The following COL6A3 variants were observed in gnomAD, a reference collection of about 807,000 sequenced individuals.
COL6A3 encodes the protein collagen type VI alpha 3 chain.
In COL6A3, 137 loss-of-function variants were observed where a neutral mutation model predicts 274.1. The observed-to-expected ratio is 0.50, with a 90% CI of 0.44 to 0.58. COL6A3 has a LOEUF of 0.58. COL6A3 is among the 20% of genes least tolerant of loss of function. COL6A3 has a pLI of 0.00. For missense variants in COL6A3, 3,950 were observed against 4,124.9 expected (o/e 0.96, Z 1.16); for synonymous variants, 1,650 against 1,650.6 (o/e 1.00, Z 0.01).
intron 42 of COL6A3, chr2:237,332,993 G>A (rs901239725): frequency 3.8e-6 from 1 of 264,946 alleles, no homozygotes; most frequent in African/African-American, 2.2e-5. Context: ...GTGTGCTTAG[G>A]ATGTCCGGAC....
At chr2:237,406,380 G>A (rs2078718797) in intron 1 of COL6A3, among the ~76,000 whole-genome samples, 1 of 152,086 alleles carries the variant, frequency 6.6e-6, no homozygotes, top group Non-Finnish European at 1.5e-5. Flanking sequence ...TCATTTATTT[G>A]GTTTTCTCCA....
intron 1 of COL6A3, among the ~76,000 whole-genome samples, chr2:237,404,210 A>G (rs757520192): frequency 1.3e-5 from 2 of 152,072 alleles, no homozygotes; most frequent in Non-Finnish European, 2.9e-5. Context: ...ATGTTTTAAT[A>G]CGGGATCAAC....
chr2:237,382,526 C>G (rs2106371634), intron 4 of COL6A3, among the ~76,000 whole-genome samples: 1 of 152,332 alleles, frequency 6.6e-6, no homozygotes, highest in Non-Finnish European at 1.5e-5. Context: ...TGCAGGCACC[C>G]TGCCCATATT....
At chr2:237,390,287 C>G (rs1317300550) in intron 3 of COL6A3, among the ~76,000 whole-genome samples, 1 of 152,212 alleles carries the variant, frequency 6.6e-6, no homozygotes, top group Non-Finnish European at 1.5e-5. Flanking sequence ...AATCCTTGAA[C>G]ATTCTCTTGT....
Position 237,361,778 on chromosome 2 carries a change from C to G in COL6A3, c.6117G>C (p.Gln2039His), listed in dbSNP as rs750063736. The G allele has an allele frequency of 3.8e-5, 61 of 1,614,126 alleles. No homozygotes were observed. Among genetic ancestry groups the G allele is most frequent in the Admixed American group, 3.2e-4 (19 of 60,010 alleles). ...TGCCGATGGGCCCGCGGTCTCCCCT[C>G]TGCCCAGAGCACTTGCAGGGAACCC... Reference protein sequence around the residue: ...CCGVPCKCSGQRGDRGPIGSI... With the variant: ...CCGVPCKCSGHRGDRGPIGSI... Residue 2039 changes from glutamine (Q) to histidine (H), a missense_variant, in exon 15 of 44, where the codon CAG becomes CAC. Gln to His is a conservative substitution (Grantham distance 24). Around this residue, in one of 5 missense-constraint regions of COL6A3, gnomAD observed 92 missense variants for 143.4 expected, o/e 0.64. Transcript: ENST00000295550. The surrounding 1 kb of genome is among the most constrained non-coding windows in gnomAD (Gnocchi z 5.1).
At chr2:237,357,722 A>G in intron 22 of COL6A3, 95 bp downstream of exon 22, 1 of 1,281,996 alleles carries the variant, frequency 7.8e-7, no homozygotes, top group Non-Finnish European at 1.1e-6. Flanking sequence ...GTTAAAGGCC[A>G]CGTCTTTGGC....
At position 237,395,208 on chromosome 2, in the gene COL6A3, T is replaced by TA. The variant is rs1476890625; in HGVS notation, c.92-5dup. 1.9e-6 allele frequency: 3 copies of TA among 1,612,816 alleles called. No homozygotes were observed. The highest frequency in any genetic ancestry group is 2.5e-6 in the Non-Finnish European group (3 of 1,179,904). On this transcript the variant is annotated splice_region_variant and splice_polypyrimidine_tract_variant and intron_variant, in intron 2 of 43. Coordinates refer to ENST00000295550, the MANE Select transcript of COL6A3 (RefSeq NM_004369.4). ...GCAGCCGCACCATTTTTGACATCTT[T>TA]AAAAAAAGACATTGGTTTAGATTTT... is the stretch of plus-strand genomic sequence containing the variant.
chr2:237,374,856 C>A lies in COL6A3; in HGVS notation c.3235G>T (p.Glu1079Ter), dbSNP rs762778512. 1 of 1,613,966 alleles carries A rather than the reference C, an allele frequency of 6.2e-7. No individual in the cohort carries two copies. Among genetic ancestry groups the A allele is most frequent in the African/African-American group, 1.3e-5 (1 of 74,996 alleles). ...VVQYSDRTRP[E>*]FYLNSYMNKQ... ...TTCATGTATGAATTCAGGTAGAACT[C>A]GGGCCTGGTCCGGTCGCTGTACTGC... Residue 1079 changes from glutamate to a stop codon, truncating the protein, a stop_gained, in exon 8 of 44, where the codon GAG becomes TAG. Coordinates refer to ENST00000295550, the MANE Select transcript of COL6A3 (RefSeq NM_004369.4). LOFTEE classifies it high-confidence loss of function. The surrounding 1 kb of genome is among the most constrained non-coding windows in gnomAD (Gnocchi z 4.8).
chr2:237,395,035 T>C lies in COL6A3; in HGVS notation c.261A>G (p.Pro87=). 6.2e-7 allele frequency: 1 copy of C among 1,614,184 alleles called. No homozygotes were observed. The highest frequency in any genetic ancestry group is 8.5e-7 in the Non-Finnish European group (1 of 1,180,028). The change falls in exon 3 of 44, where the codon CCA becomes CCG. Residue 87 remains proline, a synonymous_variant. Transcript: ENST00000295550. ...HFALVQFNGN[P]HTEFLLNTYR... ...ACGTATTTAACAGGAACTCGGTATG[T>C]GGGTTTCCGTTGAACTGGACCAGAG...
chr2:237,408,808 A>T (rs1045820707), intron 1 of COL6A3, among the ~76,000 whole-genome samples: 2 of 152,174 alleles, frequency 1.3e-5, no homozygotes, highest in Admixed American at 6.5e-5. Context: ...ATGCAGCCAG[A>T]CCCCTACAAG....
chr2:237,328,236 G>A (rs1006360401), intron 42 of COL6A3: 1 of 152,204 alleles, frequency 6.6e-6, no homozygotes, highest in African/African-American at 2.4e-5. Context: ...CTTACTATTG[G>A]TCACTGGGCT....
chr2:237,373,706 C>T (rs1042778474), intron 8 of COL6A3, among the ~76,000 whole-genome samples: 3 of 152,150 alleles, frequency 2.0e-5, no homozygotes, highest in South Asian at 2.1e-4. Flanking sequence ...ACTGTGAACC[C>T]CCCCCACCCG....
At chr2:237,383,345 C>G (rs1046726696) in intron 4 of COL6A3, among the ~76,000 whole-genome samples, 3 of 152,186 alleles carry the variant, frequency 2.0e-5, no homozygotes, top group Non-Finnish European at 4.4e-5. Flanking sequence ...CATCATTGAA[C>G]CTTTTCTCAA....
chr2:237,363,044 G>T (rs1053250143), intron 14 of COL6A3, among the ~76,000 whole-genome samples: 2 of 152,088 alleles, frequency 1.3e-5, no homozygotes, highest in African/African-American at 4.8e-5. Flanking sequence ...CCAGCTCGCT[G>T]GATTTCCAGC....
Position 237,353,330 on chromosome 2 carries a change from G to A in COL6A3, c.6690+11C>T. ...ATCAGAGGGCACACAGTCACACACG[G>A]AAGCACTCACCTGTGCACCTCTGGT... On this transcript the variant is annotated intron_variant, in intron 25 of 43. Transcript: ENST00000295550. The A allele has an allele frequency of 6.2e-7, 1 of 1,613,550 alleles. No individual in the cohort carries two copies. Among genetic ancestry groups the A allele is most frequent in the Non-Finnish European group, 8.5e-7 (1 of 1,179,562 alleles).
rs768564642 is a variant in COL6A3, at chr2:237,344,676, C to T, written c.7342G>A (p.Val2448Ile). 2 of 1,611,242 alleles carry T rather than the reference C, an allele frequency of 1.2e-6. No individual in the cohort carries two copies. Among genetic ancestry groups the T allele is most frequent in the African/African-American group, 1.3e-5 (1 of 74,768 alleles). ...NCPRGARVAV[V>I]TYNNEVTTEI... is the part of the protein sequence containing the mutation. ...GTGGTCACCTCGTTGTTGTAGGTGA[C>T]CACAGCCACCCGGGCCCCCCGTGGG... The change falls in exon 36 of 44, where the codon GTC becomes ATC. Residue 2448 changes from valine to isoleucine, a missense_variant. Physicochemically the swap from Val to Ile is conservative, Grantham distance 29. Around this residue, in one of 5 missense-constraint regions of COL6A3, gnomAD observed 1,284 missense variants for 1,349.7 expected, o/e 0.95. Transcript: ENST00000295550. This position sits in a 1 kb window ranked among gnomAD's most constrained non-coding sequence, Gnocchi z 4.8.
intron 30 of COL6A3, 93 bp downstream of exon 30, chr2:237,348,256 G>C (rs1381588727): frequency 7.0e-5 from 79 of 1,121,722 alleles, no homozygotes; most frequent in Non-Finnish European, 9.1e-5. Context: ...GCTGACCCAA[G>C]ACTAATGCCA....
Position 237,374,679 on chromosome 2 carries a change from C to T in COL6A3, c.3412G>A (p.Val1138Ile), listed in dbSNP as rs199964760. ...ITEGVPQLLI[V>I]LTADRSGDDV... ...TCCCCAGACCTGTCGGCCGTGAGGA[C>T]GATCAGCAGCTGGGGCACACCTTCT... is the stretch of plus-strand genomic sequence containing the variant. The change falls in exon 8 of 44, where the codon GTC becomes ATC. Residue 1138 changes from valine to isoleucine, a missense_variant. Coordinates refer to ENST00000295550, the MANE Select transcript of COL6A3 (RefSeq NM_004369.4). This position sits in a 1 kb window ranked among gnomAD's most constrained non-coding sequence, Gnocchi z 4.8. 35 of 1,613,834 alleles carry T rather than the reference C, an allele frequency of 2.2e-5. No homozygotes were observed. Among genetic ancestry groups the T allele is most frequent in the East Asian group, 2.0e-4 (9 of 44,830 alleles).
rs767560639 is a variant in COL6A3, at chr2:237,367,252, A to G, written c.4935T>C (p.Asp1645=). The G allele has an allele frequency of 2.3e-5, 37 of 1,613,836 alleles. No homozygotes were observed. The highest frequency in any genetic ancestry group is 3.0e-5 in the Non-Finnish European group (35 of 1,179,800). ...TGTCCCTCCTGAAGTTGATGGAACC[A>G]TCCAACAGGAACACAATGTCTGCTT... ...KKKADIVFLL[D]GSINFRRDSF... Residue 1645 remains aspartate (D), a synonymous_variant, in exon 11 of 44, where the codon GAT becomes GAC. Coordinates refer to ENST00000295550, the MANE Select transcript of COL6A3 (RefSeq NM_004369.4).
Sources: allele counts gnomAD v4.1 joint callset (sites outside exome capture counted in the v4.1 genomes callset), GRCh38; gene constraint gnomAD v4.1.1; regional missense constraint gnomAD v4.1.1; non-coding constraint Gnocchi (gnomAD v3.1); transcripts MANE v1.5; gene names NCBI Gene and HGNC (gene_info 2026-07-23, HGNC 2026-07-21).